Variants in PSPC1 observed in about 807,000 individuals in gnomAD.
The protein encoded by PSPC1 is paraspeckle component 1.
A neutral mutation model predicts 51.6 loss-of-function variants in PSPC1; 14 were observed. That is an observed-to-expected ratio of 0.27 (90% CI 0.18 to 0.42). PSPC1 has a LOEUF of 0.42. Ranked by LOEUF, PSPC1 falls within the 10% of genes least tolerant of loss-of-function variation. The pLI is 1.00. For synonymous variants in PSPC1, 193 were observed against 231.9 expected (o/e 0.83, Z 1.53); for missense variants, 406 against 701.1 (o/e 0.58, Z 4.75).
chr13:19,675,050 A>G (rs1488754498), intron 7 of PSPC1: 1 of 152,540 alleles, frequency 6.6e-6, no homozygotes. Context: ...AAGATCAAGG[A>G]CTCATCTGTC....
At chr13:19,752,443 T>C (rs1391239842) in intron 3 of PSPC1, among the ~76,000 whole-genome samples, 1 of 152,108 alleles carries the variant, frequency 6.6e-6, no homozygotes, top group African/African-American at 2.4e-5. Flanking sequence ...TAAATATTTA[T>C]TTTAGAGACA....
chr13:19,739,884 G>A lies in PSPC1; in HGVS notation c.1052+1681C>T, dbSNP rs570548024. Among the ~76,000 whole-genome samples the A allele has an allele frequency of 4.2e-3, 621 of 148,064 alleles. 3 individuals are homozygous for A. Among genetic ancestry groups the A allele is most frequent in the Non-Finnish European group, 6.0e-3 (401 of 67,096 alleles). On this transcript the variant is annotated intron_variant, in intron 5 of 8. Coordinates refer to ENST00000338910, the MANE Select transcript of PSPC1 (RefSeq NM_001354909.2). ...GTTTAAAAAAAAAAAAAAAAAAACAGTAGTTCTCAAGCTTTCAGATCTATC... is the reference window on the plus strand; with the variant it reads ...GTTTAAAAAAAAAAAAAAAAAAACAATAGTTCTCAAGCTTTCAGATCTATC...
chr13:19,752,761 A>T (rs1886691567), intron 3 of PSPC1, among the ~76,000 whole-genome samples: 1 of 151,390 alleles, frequency 6.6e-6, no homozygotes, highest in Non-Finnish European at 1.5e-5. Flanking sequence ...TATTTTTTGT[A>T]ATTTTTAGTA....
chr13:19,740,866 A>G (rs1446222328), intron 5 of PSPC1, among the ~76,000 whole-genome samples: 1 of 150,822 alleles, frequency 6.6e-6, no homozygotes, highest in East Asian at 1.9e-4. Context: ...CACGGAGTCA[A>G]CTTCCAGAAA....
At position 19,708,598 on chromosome 13, in the gene PSPC1, AAT is replaced by A. The variant is rs1470960023; in HGVS notation, c.1216+942_1216+943del. On this transcript the variant is annotated intron_variant, in intron 7 of 8. Transcript: ENST00000338910. ...CGAGCAAATCCATACTAAAGTTGCT[AAT>A]ATGCTTTCTTAAAAGCTTAGTCAAC... Among the ~76,000 whole-genome samples the A allele has an allele frequency of 5.9e-5, 9 of 152,312 alleles. No homozygotes were observed. In the East Asian group the frequency reaches 1.7e-3, roughly 29 times the overall value.
At chr13:19,776,782 C>T (rs1453987452) in intron 1 of PSPC1, among the ~76,000 whole-genome samples, 1 of 151,006 alleles carries the variant, frequency 6.6e-6, no homozygotes. Context: ...TCTGGGATTA[C>T]AGGCGTGAGC....
At chr13:19,728,439 A>AACACACACACACACACACACACACACAC (rs56662113) in intron 6 of PSPC1, among the ~76,000 whole-genome samples, 2 of 144,344 alleles carry the variant, frequency 1.4e-5, no homozygotes, top group Non-Finnish European at 3.0e-5. Flanking sequence ...TCAAAGCTTA[A>AACACACACACACACACACACACACACAC]ACACACACAC....
chr13:19,732,926 C>T (rs372565395), intron 5 of PSPC1, among the ~76,000 whole-genome samples: 1 of 142,856 alleles, frequency 7.0e-6, no homozygotes, highest in Non-Finnish European at 1.5e-5. Flanking sequence ...GACTCCATCT[C>T]AAAAAAAAAA....
At chr13:19,737,222 AC>A (rs1457890577) in intron 5 of PSPC1, 2 of 152,164 alleles carry the variant, frequency 1.3e-5, no homozygotes, top group Non-Finnish European at 2.9e-5. Context: ...CAATCCGCCC[AC>A]CTCAGCCTCC....
downstream of PSPC1, chr13:19,672,933 G>C (rs192060891): frequency 8.0e-6 from 3 of 374,844 alleles, no homozygotes; most frequent in African/African-American, 4.2e-5. Flanking sequence ...GAACAAGCCT[G>C]TAGTCCCAGA....
chr13:19,770,307 G>C (rs958664877), intron 2 of PSPC1, among the ~76,000 whole-genome samples: 2 of 152,158 alleles, frequency 1.3e-5, no homozygotes, highest in African/African-American at 2.4e-5. Context: ...TGGGGTAACG[G>C]AAGTGTTCTG....
chr13:19,781,623 G>A (rs539435491), intron 1 of PSPC1, among the ~76,000 whole-genome samples: 1 of 152,192 alleles, frequency 6.6e-6, no homozygotes, highest in South Asian at 2.1e-4. Flanking sequence ...ATTAAACGGT[G>A]TTACTTGAGT....
intron 1 of PSPC1, among the ~76,000 whole-genome samples, chr13:19,780,238 G>T (rs1307687767): frequency 7.0e-6 from 1 of 143,838 alleles, no homozygotes; most frequent in African/African-American, 2.5e-5. Context: ...GAGGTGAGGG[G>T]CGCCTCTGCC....
downstream of PSPC1, among the ~76,000 whole-genome samples, chr13:19,674,260 AAAAT>A (rs1378730981): frequency 2.7e-5 from 4 of 149,816 alleles, no homozygotes; most frequent in Non-Finnish European, 6.0e-5. Context: ...CTGTTCTGCC[AAAAT>A]AAATAGGGAT....
At chr13:19,742,045 T>A (rs1462313852) in intron 4 of PSPC1, among the ~76,000 whole-genome samples, 1 of 151,964 alleles carries the variant, frequency 6.6e-6, no homozygotes, top group Non-Finnish European at 1.5e-5. Flanking sequence ...GGCAGGAGAA[T>A]CACTTGAACC....
intron 6 of PSPC1, among the ~76,000 whole-genome samples, chr13:19,727,365 G>A (rs1883476251): frequency 1.3e-5 from 2 of 151,788 alleles, no homozygotes; most frequent in Admixed American, 6.6e-5. Context: ...TTGCACTCCA[G>A]CCTGAACGAC....
At chr13:19,778,990 C>A (rs1413773883) in intron 1 of PSPC1, among the ~76,000 whole-genome samples, 2 of 141,422 alleles carry the variant, frequency 1.4e-5, no homozygotes, top group African/African-American at 2.6e-5. Flanking sequence ...GGCCGCCCAT[C>A]GTCTGAGATG....
intron 3 of PSPC1, among the ~76,000 whole-genome samples, chr13:19,755,543 G>A (rs1318644486): frequency 8.6e-5 from 13 of 150,930 alleles, no homozygotes; most frequent in East Asian, 3.9e-4. Context: ...AGCCAAGATC[G>A]CGCCACTGCA....
chr13:19,692,596 G>A (rs1878699107), intron 6 of PSPC1, among the ~76,000 whole-genome samples: 1 of 152,104 alleles, frequency 6.6e-6, no homozygotes, highest in African/African-American at 2.4e-5. Context: ...CCACCTAAAA[G>A]CACTCAAAAC....
Sources: allele counts gnomAD v4.1 joint callset (sites outside exome capture counted in the v4.1 genomes callset), GRCh38; gene constraint gnomAD v4.1.1; transcripts MANE v1.5; gene names NCBI Gene and HGNC (gene_info 2026-07-23, HGNC 2026-07-21).